Variants in ROBO1 observed in about 807,000 individuals in gnomAD.
ROBO1 encodes roundabout guidance receptor 1, also known as roundabout homolog 1.
In ROBO1, 149 loss-of-function variants were observed where a neutral mutation model predicts 195.9. That is an observed-to-expected ratio of 0.76 (90% confidence interval 0.67 to 0.87). ROBO1 has a LOEUF of 0.87. ROBO1 is among the 40% of genes least tolerant of loss of function. ROBO1 has a pLI of 0.00. For synonymous variants in ROBO1, 816 were observed against 733.2 expected (o/e 1.11, Z -1.82); for missense variants, 1,933 against 2,068.3 (o/e 0.93, Z 1.27).
intron 1 of ROBO1, among the ~76,000 whole-genome samples, chr3:79,700,313 G>T (rs866782715): frequency 0.012 from 958 of 82,752 alleles, 7 homozygotes; most frequent in African/African-American, 0.043. Context: ...TTGTGTGTGT[G>T]TGTTTGTGTG....
At chr3:79,128,436 G>A (rs2108580239) in intron 2 of ROBO1, among the ~76,000 whole-genome samples, 1 of 152,260 alleles carries the variant, frequency 6.6e-6, no homozygotes, top group East Asian at 1.9e-4. Context: ...AATTAGTAAA[G>A]AGATGGTAAC....
chr3:79,284,508 G>T (rs1434607163), intron 2 of ROBO1, among the ~76,000 whole-genome samples: 1 of 151,908 alleles, frequency 6.6e-6, no homozygotes, highest in Non-Finnish European at 1.5e-5. Context: ...AAACAAAAAA[G>T]AAACTATTCT....
At chr3:79,323,391 AT>A (rs1381658210) in intron 2 of ROBO1, among the ~76,000 whole-genome samples, 1 of 152,098 alleles carries the variant, frequency 6.6e-6, no homozygotes, top group Non-Finnish European at 1.5e-5. Flanking sequence ...AAACTGTAAC[AT>A]TTTAATGGTA....
intron 4 of ROBO1, among the ~76,000 whole-genome samples, chr3:78,757,561 G>A (rs1279013379): frequency 1.3e-5 from 2 of 152,030 alleles, no homozygotes; most frequent in Admixed American, 6.6e-5. Flanking sequence ...GGGTGATAAT[G>A]GTAACAGTCT....
At chr3:79,446,022 T>C (rs909916133) in intron 2 of ROBO1, among the ~76,000 whole-genome samples, 5 of 152,102 alleles carry the variant, frequency 3.3e-5, no homozygotes, top group Non-Finnish European at 5.9e-5. Context: ...GGTCTCAAAC[T>C]CCTGGCTTCA....
At chr3:79,597,632 A>T (rs1411597137) in intron 1 of ROBO1, among the ~76,000 whole-genome samples, 1 of 152,058 alleles carries the variant, frequency 6.6e-6, no homozygotes, top group African/African-American at 2.4e-5. Flanking sequence ...AATTATGCTA[A>T]ACTCCAAACT....
intron 20 of ROBO1, 62 bp from the exon 21 acceptor site, chr3:78,646,252 T>C (rs1423738216): frequency 6.9e-7 from 1 of 1,444,382 alleles, no homozygotes. Flanking sequence ...CAAAAGCTAT[T>C]ACATTCATGA....
intron 1 of ROBO1, among the ~76,000 whole-genome samples, chr3:79,666,809 T>G (rs1946488720): frequency 6.6e-6 from 1 of 151,960 alleles, no homozygotes. Context: ...TCTATGATTT[T>G]AGATAACTTG....
chr3:79,149,348 A>C (rs771101457), intron 2 of ROBO1, among the ~76,000 whole-genome samples: 56 of 151,904 alleles, frequency 3.7e-4, no homozygotes, highest in Non-Finnish European at 6.3e-4. Flanking sequence ...TAGAATTTCT[A>C]TCTCTCTGCT....
chr3:79,659,177 AG>A (rs1254447719), intron 1 of ROBO1, among the ~76,000 whole-genome samples: 2 of 152,114 alleles, frequency 1.3e-5, no homozygotes, highest in Non-Finnish European at 2.9e-5. Flanking sequence ...GTTGACTCAA[AG>A]CATGCTTATA....
chr3:79,080,277 T>C (rs1340137378), intron 3 of ROBO1, among the ~76,000 whole-genome samples: 1 of 151,940 alleles, frequency 6.6e-6, no homozygotes, highest in Non-Finnish European at 1.5e-5. Context: ...GGTAGTTTAT[T>C]AGTCATTTAG....
intron 3 of ROBO1, among the ~76,000 whole-genome samples, chr3:78,948,765 C>T (rs187414022): frequency 6.6e-6 from 1 of 152,138 alleles, no homozygotes; most frequent in East Asian, 1.9e-4. Flanking sequence ...CTAGAAAACC[C>T]CATCGTCTCA....
At chr3:79,587,435 G>C (rs1167149796) in intron 2 of ROBO1, among the ~76,000 whole-genome samples, 1 of 151,768 alleles carries the variant, frequency 6.6e-6, no homozygotes, top group Non-Finnish European at 1.5e-5. Flanking sequence ...CACCTTGGCT[G>C]ATGATAACTC....
chr3:79,133,773 T>A lies in ROBO1; in HGVS notation c.89-8234A>T, dbSNP rs1476166363. ...AGGAGAGGCGCTCTGCGTTTTAGAG[T>A]TTCCAGTTTTTCTGTTCTGTTTTTT... On this transcript the variant is annotated intron_variant, in intron 2 of 30. Transcript: ENST00000464233. 2.3e-5 allele frequency among the ~76,000 whole-genome samples: 3 copies of A among 128,576 alleles called. No individual in the cohort carries two copies. The Admixed American group carries it at 2.6e-4, about 11-fold the overall frequency. The allele number at this position is 128,576 out of a possible 152,430, so 84.4% of individuals were successfully genotyped here.
chr3:79,226,279 G>A (rs1393476978), intron 2 of ROBO1, among the ~76,000 whole-genome samples: 2 of 151,938 alleles, frequency 1.3e-5, no homozygotes, highest in Admixed American at 6.6e-5. Context: ...ACAGCCACAC[G>A]GGACTGAGAA....
chr3:79,157,271 G>T (rs746498362), intron 2 of ROBO1, among the ~76,000 whole-genome samples: 64 of 151,924 alleles, frequency 4.2e-4, no homozygotes, highest in Non-Finnish European at 6.8e-4. Flanking sequence ...TCATTGACAG[G>T]TTGGCCTCAA....
chr3:78,794,694 A>T (rs2084131391), intron 4 of ROBO1, among the ~76,000 whole-genome samples: 1 of 152,062 alleles, frequency 6.6e-6, no homozygotes, highest in South Asian at 2.1e-4. Context: ...CTCCCACCTC[A>T]GCCATGTGCT....
At chr3:79,236,951 A>C (rs1308786311) in intron 2 of ROBO1, among the ~76,000 whole-genome samples, 1 of 152,190 alleles carries the variant, frequency 6.6e-6, no homozygotes, top group African/African-American at 2.4e-5. Context: ...CTTGACTAAA[A>C]GAAGCCAAGA....
At chr3:79,316,219 T>C (rs947480903) in intron 2 of ROBO1, among the ~76,000 whole-genome samples, 2 of 152,250 alleles carry the variant, frequency 1.3e-5, no homozygotes, top group East Asian at 1.9e-4. Context: ...GTTAGAATAG[T>C]AGGGCAAACT....
Sources: allele counts gnomAD v4.1 joint callset (sites outside exome capture counted in the v4.1 genomes callset), GRCh38; gene constraint gnomAD v4.1.1; transcripts MANE v1.5; gene names NCBI Gene and HGNC (gene_info 2026-07-23, HGNC 2026-07-21).